HCLS1: variants seen among roughly 807,000 people sequenced by gnomAD.
HCLS1 encodes the protein hematopoietic lineage cell-specific protein.
A neutral mutation model predicts 68.6 loss-of-function variants in HCLS1; 44 were observed. That is an observed-to-expected ratio of 0.64 (90% CI 0.50 to 0.82). The LOEUF (loss-of-function observed/expected upper bound fraction) is 0.82, where lower values mean the gene tolerates loss of function less well. Among genes scored for constraint, HCLS1 ranks in the 40% least tolerant of loss-of-function variants. HCLS1 has a pLI of 0.00. For missense variants in HCLS1, 602 were observed against 612.1 expected (o/e 0.98, Z 0.17); for synonymous variants, 217 against 225.8 (o/e 0.96, Z 0.35).
At chr3:121,649,157 T>C (rs1398357231) in intron 3 of HCLS1, among the ~76,000 whole-genome samples, 2 of 152,190 alleles carry the variant, frequency 1.3e-5, no homozygotes, top group African/African-American at 2.4e-5. Context: ...ACCAATGATA[T>C]AATTTGAATG....
At chr3:121,647,270 C>T (rs373038271) in intron 4 of HCLS1, 49 bp downstream of exon 4, 7 of 1,600,686 alleles carry the variant, frequency 4.4e-6, no homozygotes, top group South Asian at 1.1e-5. Flanking sequence ...CGTGAGCCAC[C>T]GCACCCGGCT....
intron 1 of HCLS1, among the ~76,000 whole-genome samples, chr3:121,658,974 G>C (rs1442125633): frequency 6.6e-6 from 1 of 152,080 alleles, no homozygotes; most frequent in Admixed American, 6.5e-5. Flanking sequence ...CAATGCATTG[G>C]GAGAGCATTA....
At chr3:121,636,686 A>C (rs2049154148) in intron 7 of HCLS1, among the ~76,000 whole-genome samples, 197 bp from the exon 8 acceptor site, 1 of 152,228 alleles carries the variant, frequency 6.6e-6, no homozygotes, top group African/African-American at 2.4e-5. Flanking sequence ...GGAGAAGACA[A>C]AGATGGAAGT....
At chr3:121,652,880 T>C (rs1323732573) in intron 3 of HCLS1, among the ~76,000 whole-genome samples, 1 of 152,180 alleles carries the variant, frequency 6.6e-6, no homozygotes, top group Non-Finnish European at 1.5e-5. Context: ...AACAAAAGAA[T>C]TACGGACATG....
At position 121,652,884 on chromosome 3, in the gene HCLS1, G is replaced by A. The variant is rs75679992; in HGVS notation, c.158+4395C>T. Among the ~76,000 whole-genome samples, 137 of 152,162 alleles carry A rather than the reference G, an allele frequency of 9.0e-4. 1 individual carries two copies. The East Asian group carries it at 0.021, about 24-fold the overall frequency. On this transcript the variant is annotated intron_variant, in intron 3 of 13. Coordinates refer to ENST00000314583, the MANE Select transcript of HCLS1 (RefSeq NM_005335.6). The stretch of plus-strand genomic sequence containing the variant: ...CATTTCATTTCAACAAAAGAATTAC[G>A]GACATGACGATATTATGTTTATTAG...
In HCLS1 at chr3:121,644,913, C is replaced by T. The variant is rs1302018116; in HGVS notation, c.304G>A (p.Glu102Lys). 6.2e-7 allele frequency: 1 copy of T among 1,613,568 alleles called. No homozygotes were observed. Residue 102 changes from glutamate (E) to lysine (K), a missense_variant, in exon 5 of 14, where the codon GAG becomes AAG. Glu to Lys is a moderately conservative substitution (Grantham distance 56, BLOSUM62 1). Transcript: ENST00000314583. The part of the protein sequence containing the change: ...DRMDKSAVGH[E>K]YVAEVEKHSS... ...TGCTTCTCCACCTCGGCAACATACTCATGGCCCACTGCACTCTGAGAAAAA... is the reference window on the plus strand; with the variant it reads ...TGCTTCTCCACCTCGGCAACATACTTATGGCCCACTGCACTCTGAGAAAAA...
intron 3 of HCLS1, among the ~76,000 whole-genome samples, chr3:121,649,666 A>G (rs1196856429): frequency 2.0e-5 from 3 of 152,242 alleles, no homozygotes; most frequent in Admixed American, 2.0e-4. Context: ...GCTAGAAGAG[A>G]TAGAGAGGAA....
chr3:121,636,341 C>A, intron 8 of HCLS1, 93 bp downstream of exon 8: 1 of 1,020,750 alleles, frequency 9.8e-7, no homozygotes, highest in Non-Finnish European at 1.5e-6. Flanking sequence ...CACCACCGTC[C>A]CCTCCCTCTC....
chr3:121,635,665 T>C (rs1282451616), intron 9 of HCLS1, 70 bp downstream of exon 9: 16 of 1,189,004 alleles, frequency 1.3e-5, no homozygotes, highest in Non-Finnish European at 1.9e-5. Flanking sequence ...ATGGAGGATA[T>C]AGTCTGGGGA....
intron 6 of HCLS1, among the ~76,000 whole-genome samples, chr3:121,640,481 C>A (rs1482321043): frequency 7.2e-5 from 11 of 151,870 alleles, no homozygotes; most frequent in African/African-American, 2.7e-4. Context: ...CAGCCAAGAA[C>A]TGCAAATAAT....
chr3:121,642,234 T>C (rs1332970997), intron 6 of HCLS1, among the ~76,000 whole-genome samples: 2 of 141,424 alleles, frequency 1.4e-5, no homozygotes, highest in East Asian at 2.1e-4. Flanking sequence ...CCGAGTCGGG[T>C]GGATCACGAG....
chr3:121,654,074 GT>G (rs1937809741), intron 3 of HCLS1: 1 of 152,246 alleles, frequency 6.6e-6, no homozygotes, highest in African/African-American at 2.4e-5. Context: ...CAGCACTGGA[GT>G]TTTGACCTGC....
chr3:121,657,234 C>T (rs368357196), intron 3 of HCLS1, 45 bp downstream of exon 3: 3 of 1,545,240 alleles, frequency 1.9e-6, no homozygotes, highest in South Asian at 2.3e-5. Context: ...TCTTTGGGCT[C>T]TTCCCATAAC....
At chr3:121,657,485 C>G in intron 2 of HCLS1, 133 bp from the exon 3 acceptor site, 1 of 743,790 alleles carries the variant, frequency 1.3e-6, no homozygotes, top group East Asian at 2.6e-5. Flanking sequence ...TATTCACATC[C>G]CCTCTATATT....
Position 121,635,723 on chromosome 3 carries a change from A to C in HCLS1, c.691+12T>G. ...AAGTGAGGTGCATGGAGAGTGAATC[A>C]CTAAGCCTCACCGGCTTCTATGGGC... On this transcript the variant is annotated intron_variant, in intron 9 of 13. Coordinates refer to ENST00000314583, the MANE Select transcript of HCLS1 (RefSeq NM_005335.6). 1 of 1,605,818 alleles carries C rather than the reference A, an allele frequency of 6.2e-7. No individual in the cohort carries two copies. Among genetic ancestry groups the C allele is most frequent in the Non-Finnish European group, 8.5e-7 (1 of 1,172,392 alleles).
chr3:121,642,861 A>G lies in HCLS1; in HGVS notation c.454+66T>C, dbSNP rs1313411750. On this transcript the variant is annotated intron_variant, in intron 6 of 13. Transcript: ENST00000314583. ...AAAAGCTGATGACAACTGCTGGAAG[A>G]TAAAGTCTTAGCAGAAGAGCCTGCC... 5 of 1,224,196 alleles carry G rather than the reference A, an allele frequency of 4.1e-6. No individual in the cohort carries two copies. The African/African-American group carries it at 7.4e-5, about 18-fold the overall frequency. 75.8% of individuals were successfully genotyped at this position (1,224,196 alleles called of 1,614,324 possible).
At chr3:121,648,956 A>T (rs1225391664) in intron 3 of HCLS1, among the ~76,000 whole-genome samples, 1 of 152,244 alleles carries the variant, frequency 6.6e-6, no homozygotes, top group African/African-American at 2.4e-5. Context: ...AAGTATTCAG[A>T]TGAAAGATCA....
At chr3:121,641,683 A>T (rs1230486681) in intron 6 of HCLS1, among the ~76,000 whole-genome samples, 1 of 152,190 alleles carries the variant, frequency 6.6e-6, no homozygotes, top group African/African-American at 2.4e-5. Context: ...ATTAATTTTA[A>T]ATTTAAGTCA....
chr3:121,655,680 G>GTTTTTTTT (rs4048704), intron 3 of HCLS1: 4 of 118,300 alleles, frequency 3.4e-5, no homozygotes, highest in East Asian at 2.5e-4. Context: ...GGGTCTTGTG[G>GTTTTTTTT]TTTTTTTTTT....
Sources: allele counts gnomAD v4.1 joint callset (sites outside exome capture counted in the v4.1 genomes callset), GRCh38; gene constraint gnomAD v4.1.1; transcripts MANE v1.5; gene names NCBI Gene and HGNC (gene_info 2026-07-23, HGNC 2026-07-21).